The following PDGFD variants were observed in gnomAD, a reference collection of about 807,000 sequenced individuals.
PDGFD encodes platelet-derived growth factor D.
PDGFD carries 30 observed loss-of-function variants against 44.7 expected under a neutral mutation model. That is an observed-to-expected ratio of 0.67 (90% CI 0.50 to 0.91). The LOEUF (loss-of-function observed/expected upper bound fraction) is 0.91, where lower values mean the gene tolerates loss of function less well. Ranked by LOEUF, PDGFD falls within the 40% of genes least tolerant of loss-of-function variation. The probability of loss-of-function intolerance (pLI) is 0.00; values close to 1 mark genes in which losing one functional copy is unlikely to be tolerated. For synonymous variants in PDGFD, 173 were observed against 168.4 expected, an observed-to-expected ratio of 1.03 and a Z score of -0.21; for missense variants, 445 against 457.8, an observed-to-expected ratio of 0.97 and a Z score of 0.25.
chr11:104,036,730 T>C, intron 1 of PDGFD: 4 of 980,690 alleles, frequency 4.1e-6, no homozygotes, highest in Non-Finnish European at 6.2e-6. Flanking sequence ...TACCAAGTCC[T>C]GAGGAGCAGC....
chr11:104,003,143 A>G (rs1262996260), intron 1 of PDGFD, among the ~76,000 whole-genome samples: 3 of 152,244 alleles, frequency 2.0e-5, no homozygotes, highest in Non-Finnish European at 4.4e-5. Flanking sequence ...GTAAACAGGC[A>G]AAAGGGAATA....
chr11:104,122,100 C>G (rs1050059881), intron 1 of PDGFD, among the ~76,000 whole-genome samples: 1 of 151,890 alleles, frequency 6.6e-6, no homozygotes, highest in South Asian at 2.1e-4. Flanking sequence ...AAAAGCAGCC[C>G]CAAGAAATTA....
chr11:103,984,853 A>AATATATTAATTTATTTAATATATT (rs1859330816), intron 3 of PDGFD, among the ~76,000 whole-genome samples: 4 of 142,002 alleles, frequency 2.8e-5, no homozygotes, highest in Non-Finnish European at 4.5e-5. Context: ...TTTAATATAT[A>AATATATTAATTTATTTAATATATT]ATACATTAAT....
chr11:103,991,417 C>G (rs1859450727), intron 3 of PDGFD, among the ~76,000 whole-genome samples: 1 of 151,810 alleles, frequency 6.6e-6, no homozygotes, highest in African/African-American at 2.4e-5. Context: ...GAGTTTTATT[C>G]CCAATGGAAA....
chr11:104,059,320 T>C (rs960328484), intron 1 of PDGFD, among the ~76,000 whole-genome samples: 2 of 152,234 alleles, frequency 1.3e-5, no homozygotes, highest in Non-Finnish European at 2.9e-5. Flanking sequence ...AATCTTCATA[T>C]GTAACTTTTA....
Position 104,103,448 on chromosome 11 carries a change from A to ATGTGTGTGTGTGTG in PDGFD, c.124+60342_124+60355dup, listed in dbSNP as rs377722057. On this transcript the variant is annotated intron_variant, in intron 1 of 6. Transcript: ENST00000393158. ...AATATTCAAATAAAAACAGACAATT[A>ATGTGTGTGTGTGTG]TGTGTGTGTGTGTGTATATATATAT... Among the ~76,000 whole-genome samples, 436 of 123,034 alleles carry ATGTGTGTGTGTGTG rather than the reference A, an allele frequency of 3.5e-3. 3 individuals carry two copies. The highest frequency in any genetic ancestry group is 9.2e-3 in the African/African-American group (298 of 32,266). 80.7% of individuals were successfully genotyped at this position (123,034 alleles called of 152,430 possible). A position where few individuals can be genotyped will look rare whatever the true frequency, so the allele number is the denominator to read the frequency against.
rs765523739 is a variant in PDGFD, at chr11:104,028,008, G to C, written c.125-27753C>G. Among the ~76,000 whole-genome samples the C allele has an allele frequency of 3.9e-5, 6 of 151,956 alleles. No homozygotes were observed. The East Asian group carries it at 5.8e-4, about 15-fold the overall frequency. ...GATCGAGACCATCCTGGCTAACACA[G>C]TGAAACTCCGTCTCTACTAAAAATA... On this transcript the variant is annotated intron_variant, in intron 1 of 6. Coordinates refer to ENST00000393158, the MANE Select transcript of PDGFD (RefSeq NM_025208.5).
intron 1 of PDGFD, among the ~76,000 whole-genome samples, chr11:104,136,962 A>G (rs569837030): frequency 6.6e-6 from 1 of 152,312 alleles, no homozygotes; most frequent in East Asian, 1.9e-4. Flanking sequence ...TAACTAGTCC[A>G]ATGTCCTCAT....
rs976164274 is a variant in PDGFD at position 103,974,240 on chromosome 11, C to T, written c.510+21825G>A. Among the ~76,000 whole-genome samples, 4 of 152,212 alleles carry T rather than the reference C, an allele frequency of 2.6e-5. No individual in the cohort carries two copies. In the South Asian group the frequency reaches 8.3e-4, roughly 32 times the overall value. On this transcript the variant is annotated intron_variant, in intron 3 of 6. Coordinates refer to ENST00000393158, the MANE Select transcript of PDGFD (RefSeq NM_025208.5). The stretch of plus-strand genomic sequence containing the variant: ...GGGAAGAGAAGAGACAATGCCTATA[C>T]CTTCATTCCCAAGTTTTCTTCTACT...
intron 3 of PDGFD, among the ~76,000 whole-genome samples, chr11:103,964,121 C>T (rs1439035747): frequency 6.6e-6 from 1 of 152,010 alleles, no homozygotes; most frequent in Non-Finnish European, 1.5e-5. Context: ...TTGCTTTGAC[C>T]AACACAATGT....
intron 5 of PDGFD, 148 bp from the exon 6 acceptor site, chr11:103,927,274 A>G: frequency 1.5e-6 from 1 of 679,266 alleles, no homozygotes; most frequent in Non-Finnish European, 2.5e-6. Context: ...ATTACTGGGA[A>G]CCTAAAGTAA....
chr11:104,088,629 A>G (rs1861168130), intron 1 of PDGFD, among the ~76,000 whole-genome samples: 1 of 152,214 alleles, frequency 6.6e-6, no homozygotes, highest in African/African-American at 2.4e-5. Flanking sequence ...TTGCCTGAGT[A>G]ACAGATACCT....
chr11:103,987,975 G>T (rs1859395833), intron 3 of PDGFD, among the ~76,000 whole-genome samples: 1 of 151,966 alleles, frequency 6.6e-6, no homozygotes, highest in Non-Finnish European at 1.5e-5. Context: ...TCTCCCTCAG[G>T]ACTATCATTT....
intron 1 of PDGFD, among the ~76,000 whole-genome samples, chr11:104,160,149 T>C (rs936645418): frequency 6.6e-6 from 1 of 152,154 alleles, no homozygotes; most frequent in Non-Finnish European, 1.5e-5. Flanking sequence ...AGAAACCACA[T>C]TAAGAAACAA....
At chr11:104,144,891 A>G (rs1056338104) in intron 1 of PDGFD, among the ~76,000 whole-genome samples, 1 of 152,198 alleles carries the variant, frequency 6.6e-6, no homozygotes, top group Non-Finnish European at 1.5e-5. Flanking sequence ...AAATTTAGTG[A>G]AATCACTGTA....
intron 1 of PDGFD, among the ~76,000 whole-genome samples, chr11:104,159,711 A>T (rs1862362374): frequency 6.6e-6 from 1 of 151,852 alleles, no homozygotes; most frequent in Non-Finnish European, 1.5e-5. Context: ...CCATTGTTTG[A>T]CTCTTTTGTT....
chr11:104,017,527 C>T (rs571300994), intron 1 of PDGFD, among the ~76,000 whole-genome samples: 1 of 152,246 alleles, frequency 6.6e-6, no homozygotes, highest in South Asian at 2.1e-4. Context: ...CACTGTTCTG[C>T]CCGATCCAAC....
intron 1 of PDGFD, among the ~76,000 whole-genome samples, chr11:104,141,258 C>G (rs1310648649): frequency 2.0e-5 from 3 of 152,146 alleles, no homozygotes; most frequent in Non-Finnish European, 4.4e-5. Flanking sequence ...GGTACCCATA[C>G]TCCACAAAAA....
intron 3 of PDGFD, among the ~76,000 whole-genome samples, chr11:103,986,643 T>G (rs1591108304): frequency 6.6e-6 from 1 of 152,186 alleles, no homozygotes; most frequent in Non-Finnish European, 1.5e-5. Context: ...CATTCCTGAG[T>G]GTAGGCCAAA....
Sources: allele counts gnomAD v4.1 joint callset (sites outside exome capture counted in the v4.1 genomes callset), GRCh38; gene constraint gnomAD v4.1.1; transcripts MANE v1.5; gene names NCBI Gene and HGNC (gene_info 2026-07-23, HGNC 2026-07-21).